The following SNTG1 variants were observed in gnomAD, a reference collection of about 807,000 sequenced individuals.
The protein encoded by SNTG1 is syntrophin gamma 1.
SNTG1 carries 39 observed loss-of-function variants against 74.7 expected under a neutral mutation model. The ratio of observed to expected loss-of-function variants is 0.52; its 90% CI spans 0.40 to 0.68. The LOEUF is 0.68. Ranked by LOEUF, SNTG1 falls within the 30% of genes least tolerant of loss-of-function variation. The pLI, the probability that SNTG1 is intolerant of heterozygous loss-of-function variation, is 0.00. For missense variants in SNTG1, 685 were observed against 609.5 expected, an observed-to-expected ratio of 1.12 and a Z score of -1.30; for synonymous variants, 254 against 217.1, an observed-to-expected ratio of 1.17 and a Z score of -1.49.
At chr8:50,650,010 G>A (rs1012440438) in intron 13 of SNTG1, among the ~76,000 whole-genome samples, 1 of 151,086 alleles carries the variant, frequency 6.6e-6, no homozygotes, top group Non-Finnish European at 1.5e-5. Flanking sequence ...AGCACATTGA[G>A]TAAAAGTAGA....
rs144703772 is a variant in SNTG1 at position 50,541,410 on chromosome 8, C to T, written c.680+4602C>T. ...CTTCCATAACTACACCAGCATCCCT[C>T]TTGCCCTCCTCCCTCACCACATTTC... On this transcript the variant is annotated intron_variant, in intron 11 of 18. Coordinates refer to ENST00000642720, the MANE Select transcript of SNTG1 (RefSeq NM_018967.5). Among the ~76,000 whole-genome samples, 405 of 152,220 alleles carry T rather than the reference C, an allele frequency of 2.7e-3. 3 individuals carry two copies. The highest frequency in any genetic ancestry group is 9.3e-3 in the African/African-American group (388 of 41,552).
intron 18 of SNTG1, among the ~76,000 whole-genome samples, chr8:50,769,759 A>C (rs1278471219): frequency 6.6e-6 from 1 of 152,090 alleles, no homozygotes; most frequent in East Asian, 1.9e-4. Context: ...CAAATAATTT[A>C]ATATGAGAAG....
chr8:50,791,554 C>T (rs556095193), intron 18 of SNTG1, among the ~76,000 whole-genome samples: 46 of 151,806 alleles, frequency 3.0e-4, no homozygotes, highest in African/African-American at 8.0e-4. Context: ...GTCTGGTACA[C>T]GACAGATATT....
chr8:50,490,509 A>G (rs551490565), intron 8 of SNTG1, among the ~76,000 whole-genome samples: 1 of 152,148 alleles, frequency 6.6e-6, no homozygotes, highest in Non-Finnish European at 1.5e-5. Flanking sequence ...ATTCCTAGGT[A>G]TTTTATTCTC....
chr8:50,687,640 A>T (rs2095358464), intron 15 of SNTG1, among the ~76,000 whole-genome samples: 1 of 152,214 alleles, frequency 6.6e-6, no homozygotes, highest in East Asian at 1.9e-4. Context: ...TTACATATGT[A>T]TACATGTGCC....
At position 50,454,279 on chromosome 8, in the gene SNTG1, G is replaced by A. The variant is rs192557428; in HGVS notation, c.363+3550G>A. 2.1e-3 allele frequency among the ~76,000 whole-genome samples: 301 copies of A among 146,410 alleles called. 5 individuals carry two copies. The highest frequency in any genetic ancestry group is 7.1e-3 in the African/African-American group (281 of 39,626). ...TGGGAGGCCGAGGTGGGCAGATCACGAGGTCAGGAGTTCAAGACCAGCCTG... is the reference window on the plus strand; with the variant it reads ...TGGGAGGCCGAGGTGGGCAGATCACAAGGTCAGGAGTTCAAGACCAGCCTG... On this transcript the variant is annotated intron_variant, in intron 8 of 18. Transcript: ENST00000642720.
At chr8:50,564,094 T>G (rs993195) in intron 12 of SNTG1, among the ~76,000 whole-genome samples, 131,093 of 151,702 alleles carry the variant, frequency 0.86, 56,827 homozygotes, top group East Asian at 0.94. Context: ...AGCATACAAA[T>G]ACAAGTGTCA....
intron 18 of SNTG1, among the ~76,000 whole-genome samples, chr8:50,790,720 G>A (rs568355877): frequency 2.4e-4 from 36 of 151,622 alleles, no homozygotes; most frequent in Middle Eastern, 3.4e-3. Flanking sequence ...ATTATTTCCC[G>A]TCTACCATTA....
chr8:50,783,521 C>A (rs1032507155), intron 18 of SNTG1, among the ~76,000 whole-genome samples: 2 of 152,248 alleles, frequency 1.3e-5, no homozygotes, highest in Admixed American at 6.5e-5. Flanking sequence ...ATATAATCTC[C>A]TGGTGTGCCA....
chr8:50,669,099 T>G (rs1197950814), intron 15 of SNTG1, among the ~76,000 whole-genome samples: 1 of 151,744 alleles, frequency 6.6e-6, no homozygotes, highest in Non-Finnish European at 1.5e-5. Flanking sequence ...AGATCCAAAA[T>G]TGACACCCTA....
At chr8:50,764,960 G>A (rs2095610009) in intron 18 of SNTG1, among the ~76,000 whole-genome samples, 3 of 151,880 alleles carry the variant, frequency 2.0e-5, no homozygotes, top group Admixed American at 2.0e-4. Flanking sequence ...TAAAAAAGAA[G>A]GACATTATAT....
intron 9 of SNTG1, among the ~76,000 whole-genome samples, chr8:50,512,372 G>A (rs2094087781): frequency 6.6e-6 from 1 of 151,500 alleles, no homozygotes; most frequent in African/African-American, 2.4e-5. Flanking sequence ...TTCAACTTTG[G>A]TGAATCTGAC....
chr8:50,211,723 G>C (rs762349100), intron 2 of SNTG1, among the ~76,000 whole-genome samples: 1 of 152,026 alleles, frequency 6.6e-6, no homozygotes. Flanking sequence ...TTTAAAAAAT[G>C]TTTTATTTTC....
At chr8:50,659,923 T>C (rs1012511568) in intron 15 of SNTG1, among the ~76,000 whole-genome samples, 2 of 151,726 alleles carry the variant, frequency 1.3e-5, no homozygotes, top group African/African-American at 4.8e-5. Flanking sequence ...CACTGCAACC[T>C]CCACCTCCCA....
At chr8:50,634,436 C>T (rs963563528) in intron 13 of SNTG1, among the ~76,000 whole-genome samples, 15 of 152,140 alleles carry the variant, frequency 9.9e-5, no homozygotes, top group African/African-American at 2.9e-4. Context: ...GCTTTTCAAA[C>T]GTGATTTTTC....
chr8:50,466,744 T>C (rs965968300), intron 8 of SNTG1, among the ~76,000 whole-genome samples: 1 of 151,996 alleles, frequency 6.6e-6, no homozygotes, highest in African/African-American at 2.4e-5. Flanking sequence ...ATTCTGTACA[T>C]ATATTGCTAA....
chr8:50,244,245 T>G (rs1233432646), intron 2 of SNTG1, among the ~76,000 whole-genome samples: 2 of 152,084 alleles, frequency 1.3e-5, no homozygotes, highest in African/African-American at 4.8e-5. Context: ...AGAAATCCAC[T>G]CCCGTGACCC....
intron 1 of SNTG1, among the ~76,000 whole-genome samples, chr8:50,108,881 G>A (rs2080479703): frequency 1.3e-5 from 2 of 152,154 alleles, no homozygotes; most frequent in African/African-American, 4.8e-5. Context: ...GAAGAGGCCA[G>A]AGACCCAGGA....
intron 17 of SNTG1, among the ~76,000 whole-genome samples, chr8:50,717,707 A>T (rs187517334): frequency 2.3e-3 from 343 of 152,276 alleles, no homozygotes; most frequent in Admixed American, 4.4e-3. Flanking sequence ...TCATCTCTAA[A>T]ATGGATATCT....
Sources: allele counts gnomAD v4.1 joint callset (sites outside exome capture counted in the v4.1 genomes callset), GRCh38; gene constraint gnomAD v4.1.1; transcripts MANE v1.5; gene names NCBI Gene and HGNC (gene_info 2026-07-23, HGNC 2026-07-21).